NEK1: variants seen among roughly 807,000 people sequenced by gnomAD.
The protein encoded by NEK1 is serine/threonine-protein kinase Nek1.
NEK1 carries 137 observed loss-of-function variants against 182.1 expected under a neutral mutation model. The observed-to-expected ratio is 0.75, with a 90% CI of 0.65 to 0.87. The LOEUF (loss-of-function observed/expected upper bound fraction) is 0.87, where lower values mean the gene tolerates loss of function less well. Ranked by LOEUF, NEK1 falls within the 40% of genes least tolerant of loss-of-function variation. NEK1 has a pLI of 0.00. For missense variants in NEK1, 1,391 were observed against 1,494.4 expected (o/e 0.93, Z 1.14); for synonymous variants, 513 against 492.2 (o/e 1.04, Z -0.56).
rs773972304 is a variant in NEK1, at chr4:169,561,462, T to C, written c.1266+18A>G. ...AGGGGAAAATGGTAGTATAACCATA[T>C]TGGTATAAAATGCCTACCTTTACTT... On this transcript the variant is annotated intron_variant, in intron 16 of 35. Coordinates refer to ENST00000507142, the MANE Select transcript of NEK1 (RefSeq NM_001199397.3). 7 of 1,606,356 alleles carry C rather than the reference T, an allele frequency of 4.4e-6. No individual in the cohort carries two copies. Among genetic ancestry groups the C allele is most frequent in the South Asian group, 1.1e-5 (1 of 90,886 alleles).
At chr4:169,575,938 T>A in intron 12 of NEK1, among the ~76,000 whole-genome samples, 1 of 152,040 alleles carries the variant, frequency 6.6e-6, no homozygotes. Context: ...CAATCTCTCA[T>A]TTTATTATTA....
At chr4:169,536,010 C>A (rs1348951728) in intron 19 of NEK1, among the ~76,000 whole-genome samples, 1 of 151,010 alleles carries the variant, frequency 6.6e-6, no homozygotes, top group East Asian at 2.0e-4. Flanking sequence ...GAAAACTACA[C>A]AAGGCAGGGT....
intron 23 of NEK1, 43 bp from the exon 24 acceptor site, chr4:169,479,577 T>C (rs1480835972): frequency 1.4e-6 from 2 of 1,480,424 alleles, no homozygotes; most frequent in African/African-American, 1.4e-5. Flanking sequence ...GATTTTATAT[T>C]TGTATGAAGA....
At chr4:169,454,442 G>A (rs1254524093) in intron 27 of NEK1, among the ~76,000 whole-genome samples, 3 of 151,964 alleles carry the variant, frequency 2.0e-5, no homozygotes, top group Non-Finnish European at 4.4e-5. Context: ...TCTGACAAAG[G>A]GCTAATATCC....
At chr4:169,486,218 A>T (rs17054971) in intron 23 of NEK1, among the ~76,000 whole-genome samples, 13,382 of 152,190 alleles carry the variant, frequency 0.088, 763 homozygotes, top group African/African-American at 0.16. Flanking sequence ...CAAGGTTCAT[A>T]AATTTAAGGC....
chr4:169,542,345 T>C (rs572485140), intron 18 of NEK1, among the ~76,000 whole-genome samples: 3 of 152,240 alleles, frequency 2.0e-5, no homozygotes, highest in Non-Finnish European at 2.9e-5. Context: ...TTCTTTTTTA[T>C]GGCTGCATAG....
chr4:169,477,078 A>T, intron 26 of NEK1, 46 bp downstream of exon 26: 1 of 1,309,486 alleles, frequency 7.6e-7, no homozygotes, highest in Non-Finnish European at 1.1e-6. Context: ...ATAAGTTTAC[A>T]TATGTACTAG....
chr4:169,438,709 C>G (rs1194140511), intron 27 of NEK1, among the ~76,000 whole-genome samples: 1 of 152,176 alleles, frequency 6.6e-6, no homozygotes, highest in Non-Finnish European at 1.5e-5. Flanking sequence ...TTATTTACCA[C>G]CTTCTCACTC....
chr4:169,562,114 T>G (rs1268107098), intron 13 of NEK1, 23 bp downstream of exon 13: 8 of 1,475,040 alleles, frequency 5.4e-6, no homozygotes, highest in Non-Finnish European at 7.4e-6. Context: ...AGCTTTAAAA[T>G]AACCAGACAG....
chr4:169,433,568 C>T lies in NEK1; in HGVS notation c.2862G>A (p.Glu954=). 2 of 1,609,442 alleles carry T rather than the reference C, an allele frequency of 1.2e-6. No homozygotes were observed. The highest frequency in any genetic ancestry group is 1.7e-6 in the Non-Finnish European group (2 of 1,178,428). Residue 954 remains glutamate, a synonymous_variant, in exon 29 of 36, where the codon GAG becomes GAA. Transcript: ENST00000507142. ...ACTGAGTTTCCTTTGTTTCTTTTTCCTCACTAATCCACACATCAGTAATAG... is the reference window on the plus strand; with the variant it reads ...ACTGAGTTTCCTTTGTTTCTTTTTCTTCACTAATCCACACATCAGTAATAG... ...PCTITDVWIS[E]EKETKETQSA...
At chr4:169,474,991 T>C (rs1561253442) in intron 26 of NEK1, among the ~76,000 whole-genome samples, 2 of 152,068 alleles carry the variant, frequency 1.3e-5, no homozygotes, top group African/African-American at 2.4e-5. Context: ...TTCAAGACAT[T>C]GTACAACAGG....
chr4:169,549,543 C>G (rs1485510658), intron 18 of NEK1, among the ~76,000 whole-genome samples: 2 of 152,082 alleles, frequency 1.3e-5, no homozygotes, highest in Non-Finnish European at 2.9e-5. Flanking sequence ...CTGCCTCAGC[C>G]TGCCAAGTAG....
intron 19 of NEK1, among the ~76,000 whole-genome samples, chr4:169,515,022 T>C (rs1274791107): frequency 6.6e-6 from 1 of 152,190 alleles, no homozygotes; most frequent in East Asian, 1.9e-4. Flanking sequence ...TTTTGTGCGT[T>C]GTGTGTCTAT....
At position 169,546,734 on chromosome 4, in the gene NEK1, CTTCT is replaced by C. The variant is rs547175726; in HGVS notation, c.1563-8827_1563-8824del. ...GATCCCTTTACCATTACGCAATGCC[CTTCT>C]TTGTCTCGTTTGATCTTTGTTGGTT... On this transcript the variant is annotated intron_variant, in intron 18 of 35. Coordinates refer to ENST00000507142, the MANE Select transcript of NEK1 (RefSeq NM_001199397.3). Among the ~76,000 whole-genome samples the C allele has an allele frequency of 1.9e-4, 29 of 152,252 alleles. No homozygotes were observed. In the East Asian group the frequency reaches 4.2e-3, roughly 22 times the overall value.
At chr4:169,417,968 A>G (rs1234132770) in intron 31 of NEK1, among the ~76,000 whole-genome samples, 1 of 152,198 alleles carries the variant, frequency 6.6e-6, no homozygotes, top group African/African-American at 2.4e-5. Flanking sequence ...AAACAAAAAA[A>G]ACTTCAAAAC....
chr4:169,483,545 T>C (rs760654797), intron 23 of NEK1, among the ~76,000 whole-genome samples: 2 of 152,136 alleles, frequency 1.3e-5, no homozygotes, highest in African/African-American at 4.8e-5. Flanking sequence ...TTCAGTATTA[T>C]TGAAAAAGTA....
At chr4:169,529,938 T>G (rs184324041) in intron 19 of NEK1, among the ~76,000 whole-genome samples, 237 of 152,292 alleles carry the variant, frequency 1.6e-3, no homozygotes, top group Non-Finnish European at 2.6e-3. Context: ...TCGAGTACAA[T>G]GCTGATGGGA....
At chr4:169,606,675 C>T (rs1425028429) in intron 2 of NEK1, among the ~76,000 whole-genome samples, 3 of 152,142 alleles carry the variant, frequency 2.0e-5, no homozygotes, top group Admixed American at 1.3e-4. Context: ...TTGGGTACAC[C>T]AGGCACAACT....
chr4:169,406,761 C>T lies in NEK1; in HGVS notation c.3223-14G>A. ...TGTCCTTAACATCTAAAATAAAAATCAACAAATTTCTTATTAGGAGAAAGA... is the reference window on the plus strand; with the variant it reads ...TGTCCTTAACATCTAAAATAAAAATTAACAAATTTCTTATTAGGAGAAAGA... On this transcript the variant is annotated splice_polypyrimidine_tract_variant and intron_variant, in intron 31 of 35. Coordinates refer to ENST00000507142, the MANE Select transcript of NEK1 (RefSeq NM_001199397.3). The T allele has an allele frequency of 6.4e-7, 1 of 1,558,432 alleles. No homozygotes were observed. The highest frequency in any genetic ancestry group is 2.0e-5 in the Admixed American group (1 of 48,870).
Sources: gnomAD v4.1 joint callset for allele counts (sites outside exome capture counted in the v4.1 genomes callset) on GRCh38, gnomAD v4.1.1 for gene constraint, MANE v1.5 for transcripts, NCBI Gene and HGNC (gene_info 2026-07-23, HGNC 2026-07-21) for gene names.